RGPD4: variants seen among roughly 807,000 people sequenced by gnomAD.
The protein encoded by RGPD4 is RANBP2 like and GRIP domain containing 4.
RGPD4 carries 84 observed loss-of-function variants against 141.1 expected under a neutral mutation model. That is an observed-to-expected ratio of 0.60 (90% CI 0.50 to 0.71). The LOEUF (loss-of-function observed/expected upper bound fraction) is 0.71. Ranked by LOEUF, RGPD4 falls within the 30% of genes least tolerant of loss-of-function variation. RGPD4 has a pLI of 0.00. For missense variants in RGPD4, 918 were observed against 1,622.4 expected, an observed-to-expected ratio of 0.57 and a Z score of 7.46; for synonymous variants, 298 against 566.8, an observed-to-expected ratio of 0.53 and a Z score of 6.74.
At chr2:107,889,236 A>G (rs1201143128) in intron 22 of RGPD4, among the ~76,000 whole-genome samples, 5 of 105,774 alleles carry the variant, frequency 4.7e-5, no homozygotes, top group East Asian at 2.1e-4. Context: ...CCTTGTGAAT[A>G]TATTAAAAAC....
At position 107,871,870 on chromosome 2, in the gene RGPD4, C is replaced by A. The variant is rs1262476228; in HGVS notation, c.3866C>A (p.Thr1289Lys). ...AATCTTTTCCATTTTGGTGAGTCAACAACAGGATCTAACTTCAGTTTTAAA... is the reference window on the plus strand; with the variant it reads ...AATCTTTTCCATTTTGGTGAGTCAAAAACAGGATCTAACTTCAGTTTTAAA... ...RKNLFHFGES[T>K]TGSNFSFKSA... is the part of the protein sequence containing the mutation. The change falls in exon 20 of 23, where the codon ACA (threonine) becomes AAA (lysine). Residue 1289 changes from threonine (T) to lysine (K), a missense_variant. Transcript: ENST00000408999. 1.2e-6 allele frequency: 2 copies of A among 1,611,642 alleles called. No homozygotes were observed. Among genetic ancestry groups the A allele is most frequent in the East Asian group, 2.2e-5 (1 of 44,872 alleles).
chr2:107,878,345 G>C (rs1223734471), intron 20 of RGPD4, among the ~76,000 whole-genome samples: 3 of 150,764 alleles, frequency 2.0e-5, no homozygotes, highest in African/African-American at 7.3e-5. Context: ...GAGAAACACA[G>C]ACCTCCCACT....
chr2:107,853,778 C>T (rs1220611750), intron 7 of RGPD4, among the ~76,000 whole-genome samples: 1 of 71,314 alleles, frequency 1.4e-5, no homozygotes, highest in Admixed American at 1.7e-4. Flanking sequence ...GATAGGGTCT[C>T]ACTCTGTCGC....
intron 6 of RGPD4, among the ~76,000 whole-genome samples, chr2:107,845,896 A>G (rs1333819633): frequency 1.4e-5 from 2 of 143,642 alleles, no homozygotes; most frequent in Non-Finnish European, 3.0e-5. Flanking sequence ...TTTTAGTAGA[A>G]ACAGGGTTTC....
At position 107,827,046 on chromosome 2, in the gene RGPD4, C is replaced by G. The variant is rs552522111; in HGVS notation, c.33C>G (p.Tyr11Ter). Reference sequence around the variant, plus strand: ...GCAGCAAGGCCTACGGGGAGCGGTACGTCGCCTCCGTGCAGGGCTCCGCCC... The same window carrying G: ...GCAGCAAGGCCTACGGGGAGCGGTAGGTCGCCTCCGTGCAGGGCTCCGCCC... Reference protein sequence around the residue: MSCSKAYGERYVASVQGSAPS... With the variant: MSCSKAYGER The change falls in exon 1 of 23, where the codon TAC becomes TAG. Residue 11 changes from tyrosine (Y) to a stop codon, truncating the protein, a stop_gained. Transcript: ENST00000408999. LOFTEE classifies it high-confidence loss of function. The G allele has an allele frequency of 7.6e-5, 121 of 1,598,072 alleles. No individual in the cohort carries two copies. Among genetic ancestry groups the G allele is most frequent in the East Asian group, 2.5e-4 (11 of 44,350 alleles).
chr2:107,859,471 C>T lies in RGPD4; in HGVS notation c.1551C>T (p.Pro517=). 5 of 1,611,194 alleles carry T rather than the reference C, an allele frequency of 3.1e-6. No individual in the cohort carries two copies. The highest frequency in any genetic ancestry group is 4.2e-6 in the Non-Finnish European group (5 of 1,179,836). The change falls in exon 11 of 23, where the codon CCC becomes CCT. Residue 517 remains proline (P), a synonymous_variant. Transcript: ENST00000408999. ...GCTCCTATCAGCCGTTATGCCTGCC[C>T]CTTCCTGTATGTAAACAGCTTTGTA... The part of the protein sequence containing the change: ...HHSSYQPLCL[P]LPVCKQLCTE...
intron 20 of RGPD4, among the ~76,000 whole-genome samples, chr2:107,873,681 G>A (rs183523342): frequency 1.3e-5 from 2 of 151,942 alleles, no homozygotes; most frequent in Non-Finnish European, 2.9e-5. Flanking sequence ...TGAAACTACA[G>A]GGATAAATGA....
chr2:107,834,355 G>A (rs1444424472), intron 1 of RGPD4, among the ~76,000 whole-genome samples: 10 of 149,584 alleles, frequency 6.7e-5, no homozygotes, highest in South Asian at 2.1e-4. Flanking sequence ...ACTTACCTGC[G>A]TCACCCGTGG....
At chr2:107,880,413 G>A (rs572488005) in intron 21 of RGPD4, among the ~76,000 whole-genome samples, 9 of 150,408 alleles carry the variant, frequency 6.0e-5, no homozygotes, top group South Asian at 2.1e-4. Context: ...ACAGGTGCCC[G>A]CCAACATGCC....
chr2:107,853,569 T>C (rs1471402925), intron 7 of RGPD4, among the ~76,000 whole-genome samples: 1 of 107,216 alleles, frequency 9.3e-6, no homozygotes, highest in Non-Finnish European at 1.9e-5. Flanking sequence ...CCAAGTGTCA[T>C]TTCACCTGTA....
rs561730015 is a variant in RGPD4, at chr2:107,857,698, G to T, written c.1276+729G>T. Reference sequence around the variant, plus strand: ...GATCCTCCTGCCTAAGCCCCCCAAAGTGTTGGGATTAAGCCTGACACAGTG... The same window carrying T: ...GATCCTCCTGCCTAAGCCCCCCAAATTGTTGGGATTAAGCCTGACACAGTG... On this transcript the variant is annotated intron_variant, in intron 9 of 22. Coordinates refer to ENST00000408999, the MANE Select transcript of RGPD4 (RefSeq NM_182588.3). Among the ~76,000 whole-genome samples, 45 of 151,950 alleles carry T rather than the reference G, an allele frequency of 3.0e-4. No individual in the cohort carries two copies. In the South Asian group the frequency reaches 8.7e-3, roughly 29 times the overall value.
chr2:107,836,496 A>G (rs1681669383), intron 1 of RGPD4, 106 bp from the exon 2 acceptor site: 1 of 1,037,406 alleles, frequency 9.6e-7, no homozygotes, highest in South Asian at 1.6e-5. Flanking sequence ...AAGTGAATGA[A>G]AATGGCATAT....
intron 7 of RGPD4, among the ~76,000 whole-genome samples, chr2:107,849,699 G>A (rs1418429870): frequency 1.3e-5 from 1 of 74,216 alleles, no homozygotes; most frequent in African/African-American, 5.9e-5. Flanking sequence ...TAATGAGCCT[G>A]CATAACTTTT....
At chr2:107,851,306 C>T (rs1263544529) in intron 7 of RGPD4, among the ~76,000 whole-genome samples, 66 of 76,698 alleles carry the variant, frequency 8.6e-4, no homozygotes, top group African/African-American at 3.6e-3. Flanking sequence ...AAGACAAGGT[C>T]TTGCTATGTT....
intron 20 of RGPD4, among the ~76,000 whole-genome samples, chr2:107,874,046 C>A (rs1412967472): frequency 1.4e-5 from 2 of 146,372 alleles, no homozygotes; most frequent in Non-Finnish European, 3.0e-5. Context: ...TGACTGGTGG[C>A]ATGACACCCT....
chr2:107,873,815 T>C (rs1683012853), intron 20 of RGPD4, among the ~76,000 whole-genome samples: 1 of 150,808 alleles, frequency 6.6e-6, no homozygotes, highest in Non-Finnish European at 1.5e-5. Flanking sequence ...GGATTTAATT[T>C]TAGCCTTTTT....
intron 1 of RGPD4, among the ~76,000 whole-genome samples, chr2:107,828,786 C>A (rs1485219976): frequency 3.8e-5 from 1 of 25,988 alleles, no homozygotes; most frequent in East Asian, 4.4e-4. Flanking sequence ...CTGACGGGCG[C>A]TGCTCCCTGG....
chr2:107,849,427 C>A (rs1247566694), intron 7 of RGPD4, among the ~76,000 whole-genome samples: 6 of 138,740 alleles, frequency 4.3e-5, no homozygotes, highest in African/African-American at 1.7e-4. Context: ...AGTGCAGTGG[C>A]ACGATCTCGG....
intron 22 of RGPD4, among the ~76,000 whole-genome samples, chr2:107,885,869 A>AGCCAGGCCAACG (rs1231952271): frequency 5.9e-5 from 9 of 151,850 alleles, no homozygotes; most frequent in Non-Finnish European, 1.0e-4. Context: ...CCTGGCCAAC[A>AGCCAGGCCAACG]TGGTGAAACC....
Sources: allele counts gnomAD v4.1 joint callset (sites outside exome capture counted in the v4.1 genomes callset), GRCh38; gene constraint gnomAD v4.1.1; transcripts MANE v1.5; gene names NCBI Gene and HGNC (gene_info 2026-07-23, HGNC 2026-07-21).